Variants in PDHX observed in about 807,000 individuals in gnomAD.
PDHX encodes the protein pyruvate dehydrogenase protein X component, mitochondrial.
Under a neutral mutation model 55.3 loss-of-function variants are expected in PDHX, and 33 were observed. That is an observed-to-expected ratio of 0.60 (90% CI 0.45 to 0.80). The LOEUF is 0.80. PDHX is among the 30% of genes least tolerant of loss of function. The probability of loss-of-function intolerance (pLI) is 0.00; values close to 1 mark genes in which losing one functional copy is unlikely to be tolerated. For synonymous variants in PDHX, 226 were observed against 219.4 expected, an observed-to-expected ratio of 1.03 and a Z score of -0.27; for missense variants, 622 against 619.9, an observed-to-expected ratio of 1.00 and a Z score of -0.04.
chr11:34,954,663 G>A (rs900996949), intron 3 of PDHX, among the ~76,000 whole-genome samples: 2 of 152,102 alleles, frequency 1.3e-5, no homozygotes, highest in Non-Finnish European at 2.9e-5. Flanking sequence ...GATCCATGTT[G>A]AATGTATTGT....
At chr11:34,943,152 G>A (rs1300843745) in intron 2 of PDHX, among the ~76,000 whole-genome samples, 1 of 152,142 alleles carries the variant, frequency 6.6e-6, no homozygotes, top group Non-Finnish European at 1.5e-5. Context: ...ACATTTAAGT[G>A]TCCTGTCCGT....
At chr11:34,987,086 G>A (rs1855661941) in intron 9 of PDHX, among the ~76,000 whole-genome samples, 1 of 152,150 alleles carries the variant, frequency 6.6e-6, no homozygotes, top group Admixed American at 6.5e-5. Flanking sequence ...GTTAACCCAG[G>A]CAGTTTGATT....
chr11:34,992,717 A>G (rs1282625890), intron 10 of PDHX, among the ~76,000 whole-genome samples: 1 of 152,206 alleles, frequency 6.6e-6, no homozygotes, highest in Non-Finnish European at 1.5e-5. Flanking sequence ...TTATTGCAGC[A>G]TATAATATTC....
At chr11:34,970,038 C>T (rs1855223084) in intron 6 of PDHX, 101 bp from the exon 7 acceptor site, 4 of 931,950 alleles carry the variant, frequency 4.3e-6, no homozygotes, top group Admixed American at 3.7e-5. Context: ...TAAGTTAGGT[C>T]ATTGAGAATG....
rs9971607 is a variant in PDHX at position 34,926,340 on chromosome 11, A to G, written c.161-5064A>G. Among the ~76,000 whole-genome samples the G allele has an allele frequency of 7.9e-3, 1,208 of 152,280 alleles. 14 individuals are homozygous for G. Among genetic ancestry groups the G allele is most frequent in the African/African-American group, 0.028 (1,149 of 41,558 alleles). ...GCTCCGTTTTATTTAGTGTGTTCTGACATTGGAATGAGAAGTGATTAAATG... is the reference window on the plus strand; with the variant it reads ...GCTCCGTTTTATTTAGTGTGTTCTGGCATTGGAATGAGAAGTGATTAAATG... On this transcript the variant is annotated intron_variant, in intron 1 of 10. Transcript: ENST00000227868.
rs575866881 is a variant in PDHX at position 34,992,868 on chromosome 11, A to G, written c.1247+489A>G. 5.3e-5 allele frequency among the ~76,000 whole-genome samples: 8 copies of G among 152,278 alleles called. No individual in the cohort carries two copies. The South Asian group carries it at 1.7e-3, about 32-fold the overall frequency. On this transcript the variant is annotated intron_variant, in intron 10 of 10. Transcript: ENST00000227868. ...AATGTATGTACATTTTTTGTTGTAT[A>G]GACCTAAAAGTAGAATTCCTAAGTT... is the stretch of plus-strand genomic sequence containing the variant.
chr11:34,940,470 A>G (rs761962317), intron 2 of PDHX, among the ~76,000 whole-genome samples: 4 of 152,220 alleles, frequency 2.6e-5, no homozygotes, highest in African/African-American at 4.8e-5. Flanking sequence ...CAATATGTAT[A>G]TGTTTGTGGT....
At chr11:34,991,906 C>CAAAAAAAAAAAAAA (rs1169109545) in intron 9 of PDHX, among the ~76,000 whole-genome samples, 1 of 37,312 alleles carries the variant, frequency 2.7e-5, no homozygotes, top group African/African-American at 6.2e-5. Flanking sequence ...TGAGACTTCT[C>CAAAAAAAAAAAAAA]AAAAAAAAAA....
chr11:34,975,084 TAAAG>T (rs1855337278), intron 7 of PDHX, among the ~76,000 whole-genome samples: 1 of 152,214 alleles, frequency 6.6e-6, no homozygotes, highest in African/African-American at 2.4e-5. Flanking sequence ...GTTCTTTAAA[TAAAG>T]ATACTATTTC....
intron 2 of PDHX, among the ~76,000 whole-genome samples, chr11:34,946,073 C>T (rs1240952281): frequency 6.6e-6 from 1 of 152,054 alleles, no homozygotes; most frequent in African/African-American, 2.4e-5. Flanking sequence ...TCTGTTTTTT[C>T]GTTTTGTTTT....
chr11:34,974,204 C>G (rs1373863381), intron 7 of PDHX, among the ~76,000 whole-genome samples: 1 of 152,194 alleles, frequency 6.6e-6, no homozygotes, highest in Admixed American at 6.5e-5. Flanking sequence ...AATCACCATT[C>G]TTCTTTCTGT....
chr11:34,938,717 C>T (rs183142912), intron 2 of PDHX, among the ~76,000 whole-genome samples: 5 of 152,296 alleles, frequency 3.3e-5, no homozygotes, highest in African/African-American at 1.2e-4. Context: ...AGCTCACTGG[C>T]AATCTAATAA....
Position 34,995,525 on chromosome 11 carries a change from A to AT in PDHX, c.*355dup. ...TTTGAGAATGTATGATACATGTAAA[A>AT]TTAAAAAAACTATTAGAACTGTACC... On this transcript the variant is annotated 3_prime_UTR_variant, in exon 11 of 11. Transcript: ENST00000227868. 1 of 317,670 alleles carries AT rather than the reference A, an allele frequency of 3.1e-6. No homozygotes were observed. Among genetic ancestry groups the AT allele is most frequent in the South Asian group, 2.8e-5 (1 of 36,242 alleles). The allele number at this position is 317,670 out of a possible 1,614,324, so 19.7% of individuals were successfully genotyped here. A position where few individuals can be genotyped will look rare whatever the true frequency, so the allele number is the denominator to read the frequency against.
At chr11:34,952,226 A>G (rs1383594965) in intron 3 of PDHX, among the ~76,000 whole-genome samples, 2 of 152,244 alleles carry the variant, frequency 1.3e-5, no homozygotes, top group Non-Finnish European at 2.9e-5. Context: ...AGAGTCCAGG[A>G]CCAGATGGAT....
At position 34,995,171 on chromosome 11, in the gene PDHX, A is replaced by C; in HGVS notation, c.1505A>C (p.Ter502SerextTer11). 3 of 1,613,754 alleles carry C rather than the reference A, an allele frequency of 1.9e-6. No homozygotes were observed. Among genetic ancestry groups the C allele is most frequent in the East Asian group, 2.2e-5 (1 of 44,880 alleles). ...ANLENPIRLA[*>S] The stretch of plus-strand genomic sequence containing the variant: ...CTAGAGAATCCTATCCGACTTGCCT[A>C]GTCCTCAAAGATAAGAAGTTGGTGT... The change falls in exon 11 of 11, where the codon TAG (stop) becomes TCG (serine). Residue 502 changes from the stop codon to serine (S), a stop_lost. Coordinates refer to ENST00000227868, the MANE Select transcript of PDHX (RefSeq NM_003477.3).
At chr11:34,984,470 G>A (rs1855596946) in intron 8 of PDHX, 100 bp from the exon 9 acceptor site, 1 of 949,982 alleles carries the variant, frequency 1.1e-6, no homozygotes, top group East Asian at 2.5e-5. Flanking sequence ...CTCTTATCTA[G>A]CTATGTTCAC....
intron 3 of PDHX, among the ~76,000 whole-genome samples, chr11:34,950,988 A>G (rs860731): frequency 6.8e-6 from 1 of 146,200 alleles, no homozygotes; most frequent in Non-Finnish European, 1.5e-5. Flanking sequence ...TTACAGTCCC[A>G]CCAGCAGTGT....
intron 3 of PDHX, among the ~76,000 whole-genome samples, chr11:34,948,469 G>T (rs895842953): frequency 7.9e-5 from 12 of 151,500 alleles, no homozygotes; most frequent in African/African-American, 2.7e-4. Flanking sequence ...ACCTTCCTTT[G>T]TATATTCTAT....
chr11:34,963,300 A>G (rs1009105176), intron 5 of PDHX, among the ~76,000 whole-genome samples: 1 of 151,976 alleles, frequency 6.6e-6, no homozygotes, highest in Admixed American at 6.6e-5. Flanking sequence ...TAAGAGAGAG[A>G]CAGGCTCTCA....
Sources: allele counts gnomAD v4.1 joint callset (sites outside exome capture counted in the v4.1 genomes callset), GRCh38; gene constraint gnomAD v4.1.1; transcripts MANE v1.5; gene names NCBI Gene and HGNC (gene_info 2026-07-23, HGNC 2026-07-21).